Variants in ADCY1 observed in about 807,000 individuals in gnomAD.
The protein encoded by ADCY1 is adenylate cyclase 1, also known as adenylate cyclase type 1.
Under a neutral mutation model 105.4 loss-of-function variants are expected in ADCY1, and 28 were observed. The observed-to-expected ratio is 0.27, with a 90% CI of 0.20 to 0.36. The LOEUF (loss-of-function observed/expected upper bound fraction) is 0.36. ADCY1 is among the 10% of genes least tolerant of loss of function. The pLI, the probability that ADCY1 is intolerant of heterozygous loss-of-function variation, is 1.00. For synonymous variants in ADCY1, 655 were observed against 623.8 expected (o/e 1.05, Z -0.75); for missense variants, 977 against 1,434.2 (o/e 0.68, Z 5.15).
chr7:45,674,184 T>C (rs941502571), intron 8 of ADCY1, among the ~76,000 whole-genome samples: 4 of 151,910 alleles, frequency 2.6e-5, no homozygotes, highest in South Asian at 2.1e-4. Context: ...TTGAGTTTTG[T>C]TTTATGGCCA....
rs191203239 is a variant in ADCY1, at chr7:45,579,243, G to A, written c.639+4061G>A. Among the ~76,000 whole-genome samples the A allele has an allele frequency of 1.8e-3, 268 of 152,254 alleles. 2 individuals are homozygous for A. The highest frequency in any genetic ancestry group is 2.8e-3 in the Non-Finnish European group (189 of 68,008). ...TCTGCCAGCCCTCAGGCTGTGTCCC[G>A]TATGCCTTTGTGTGCCCTGTGCCCA... On this transcript the variant is annotated intron_variant, in intron 1 of 19. Coordinates refer to ENST00000297323, the MANE Select transcript of ADCY1 (RefSeq NM_021116.4).
chr7:45,625,830 A>C (rs1205557142), intron 4 of ADCY1, among the ~76,000 whole-genome samples: 1 of 152,224 alleles, frequency 6.6e-6, no homozygotes, highest in East Asian at 1.9e-4. Flanking sequence ...CTGAGCTGAC[A>C]TGGTTTTGTG....
At chr7:45,630,691 A>C (rs575906078) in intron 4 of ADCY1, among the ~76,000 whole-genome samples, 45 of 152,018 alleles carry the variant, frequency 3.0e-4, no homozygotes, top group Non-Finnish European at 5.9e-4. Flanking sequence ...GTATGTGTGT[A>C]AAATTTCCTC....
At chr7:45,688,255 G>A (rs946699725) in intron 14 of ADCY1, among the ~76,000 whole-genome samples, 7 of 152,156 alleles carry the variant, frequency 4.6e-5, no homozygotes, top group African/African-American at 1.7e-4. Flanking sequence ...AGTAAAATGG[G>A]GTGAGAACCC....
At chr7:45,690,416 T>A (rs1322471346) in intron 14 of ADCY1, among the ~76,000 whole-genome samples, 2 of 152,150 alleles carry the variant, frequency 1.3e-5, no homozygotes, top group Non-Finnish European at 2.9e-5. Flanking sequence ...GAGGGCTGCC[T>A]GATAGGATTC....
Position 45,703,648 on chromosome 7 carries a change from A to G in ADCY1, c.2620A>G (p.Ile874Val). The change falls in exon 16 of 20, where the codon ATC (isoleucine) becomes GTC (valine). Residue 874 changes from isoleucine (I) to valine (V), a missense_variant. Physicochemically the swap from Ile to Val is conservative, Grantham distance 29. This residue lies in a region of ADCY1 where 152 missense variants were observed against 293.7 expected (regional missense o/e 0.52). Coordinates refer to ENST00000297323, the MANE Select transcript of ADCY1 (RefSeq NM_021116.4). This position sits in a 1 kb window ranked among gnomAD's most constrained non-coding sequence, Gnocchi z 5.9. ...CCAGGTGGGCGTCATGTTTGCCTCC[A>G]TCCCCAACTTCAATGACTTCTACAT... ...YSQVGVMFAS[I>V]PNFNDFYIEL... 1 of 1,613,358 alleles carries G rather than the reference A, an allele frequency of 6.2e-7. No individual in the cohort carries two copies. Among genetic ancestry groups the G allele is most frequent in the Non-Finnish European group, 8.5e-7 (1 of 1,179,658 alleles).
chr7:45,650,545 G>C (rs554882724), intron 5 of ADCY1, among the ~76,000 whole-genome samples: 1 of 152,256 alleles, frequency 6.6e-6, no homozygotes, highest in Admixed American at 6.5e-5. Context: ...GATGTGGGCT[G>C]ACCTGGCTGA....
At position 45,708,598 on chromosome 7, in the gene ADCY1, C is replaced by T. The variant is rs56099024; in HGVS notation, c.2932+134C>T. The T allele has an allele frequency of 5.1e-3, 3,337 of 658,154 alleles. 9 individuals are homozygous for T. The highest frequency in any genetic ancestry group is 6.8e-3 in the Non-Finnish European group (2,515 of 369,628). The allele number at this position is 658,154 out of a possible 1,614,324, so 40.8% of individuals were successfully genotyped here. On this transcript the variant is annotated intron_variant, in intron 18 of 19. Transcript: ENST00000297323. This position sits in a 1 kb window ranked among gnomAD's most constrained non-coding sequence, Gnocchi z 4.7. ...GTGCCACCCAGGAGGGCATGGGGAC[C>T]TGTGTACCGAGTTGCCCCTGGAAGC...
At chr7:45,635,395 C>T (rs1183580983) in intron 4 of ADCY1, among the ~76,000 whole-genome samples, 4 of 151,284 alleles carry the variant, frequency 2.6e-5, no homozygotes, top group South Asian at 2.1e-4. Context: ...TGTTTTTCTT[C>T]TGGTTATTTT....
Position 45,676,048 on chromosome 7 carries a change from G to GTT in ADCY1, c.1606-1810_1606-1809dup, listed in dbSNP as rs78665932. On this transcript the variant is annotated intron_variant, in intron 8 of 19. Coordinates refer to ENST00000297323, the MANE Select transcript of ADCY1 (RefSeq NM_021116.4). ...TCCACAGTTCCAAAGGCTCTGTTTT[G>GTT]TTTTTTTTTTTTAAGTCTGTTTTCT... 3.1e-4 allele frequency among the ~76,000 whole-genome samples: 44 copies of GTT among 143,140 alleles called. No homozygotes were observed. The South Asian group carries it at 3.1e-3, about 10-fold the overall frequency. 93.9% of individuals were successfully genotyped at this position (143,140 alleles called of 152,430 possible).
Position 45,589,622 on chromosome 7 carries a change from GATGC to G in ADCY1, c.640-3134_640-3131del, listed in dbSNP as rs144462928. Among the ~76,000 whole-genome samples the G allele has an allele frequency of 2.1e-3, 319 of 152,224 alleles. 1 individual carries two copies. The highest frequency in any genetic ancestry group is 7.2e-3 in the African/African-American group (301 of 41,524). On this transcript the variant is annotated intron_variant, in intron 1 of 19. Coordinates refer to ENST00000297323, the MANE Select transcript of ADCY1 (RefSeq NM_021116.4). ...TGGAACTCTCAATTCCAACACAGTG[GATGC>G]ATTTGGTGGTTGAGGATGCTCATCT...
intron 2 of ADCY1, among the ~76,000 whole-genome samples, chr7:45,593,718 T>C (rs1792992540): frequency 6.6e-6 from 1 of 152,232 alleles, no homozygotes; most frequent in Non-Finnish European, 1.5e-5. Flanking sequence ...AGCTGACATA[T>C]AGGATCTCTT....
At chr7:45,576,754 G>A (rs1353575545) in intron 1 of ADCY1, among the ~76,000 whole-genome samples, 1 of 151,980 alleles carries the variant, frequency 6.6e-6, no homozygotes. Flanking sequence ...AGCCAGACCC[G>A]CAACCGCAAG....
chr7:45,721,920 A>C lies in ADCY1; in HGVS notation c.*7925A>C, dbSNP rs1235235039. ...TAAACAGACATAATAGCCTAGATGA[A>C]CTCCCAAGAGATCTATTAAATCTTG... is the stretch of plus-strand genomic sequence containing the variant. On this transcript the variant is annotated 3_prime_UTR_variant, in exon 20 of 20. Transcript: ENST00000297323. 33 of 398,300 alleles carry C rather than the reference A, an allele frequency of 8.3e-5. No individual in the cohort carries two copies. In the East Asian group the frequency reaches 1.2e-3, roughly 14 times the overall value. 24.7% of individuals were successfully genotyped at this position (398,300 alleles called of 1,614,324 possible). A position where few individuals can be genotyped will look rare whatever the true frequency, so the allele number is the denominator to read the frequency against.
At chr7:45,707,133 G>A (rs1785137198) in intron 17 of ADCY1, among the ~76,000 whole-genome samples, 1 of 152,206 alleles carries the variant, frequency 6.6e-6, no homozygotes, top group Admixed American at 6.5e-5. Flanking sequence ...ACCCACTGTG[G>A]GAGAGAGTTT....
Position 45,714,290 on chromosome 7 carries a change from T to C in ADCY1, c.*295T>C, listed in dbSNP as rs1436977455. On this transcript the variant is annotated 3_prime_UTR_variant, in exon 20 of 20. Transcript: ENST00000297323. ...CGTGGCGTAGGGAGCACTGTTTCTTTCCAGCAAGCCTGTTCAGGTTTGGCC... is the reference window on the plus strand; with the variant it reads ...CGTGGCGTAGGGAGCACTGTTTCTTCCCAGCAAGCCTGTTCAGGTTTGGCC... 2.3e-6 allele frequency: 1 copy of C among 441,662 alleles called. No individual in the cohort carries two copies. The highest frequency in any genetic ancestry group is 4.1e-6 in the Non-Finnish European group (1 of 245,708). 27.4% of individuals were successfully genotyped at this position (441,662 alleles called of 1,614,324 possible).
In ADCY1 at chr7:45,703,815, G is replaced by T; in HGVS notation, c.2718+69G>T. On this transcript the variant is annotated intron_variant, in intron 16 of 19. Coordinates refer to ENST00000297323, the MANE Select transcript of ADCY1 (RefSeq NM_021116.4). The surrounding 1 kb of genome is among the most constrained non-coding windows in gnomAD (Gnocchi z 5.9). ...GTGCATCCTGTTGCGTGGGCAGAGCGTGTCTCACAATATGTCACATTCTTC... is the reference window on the plus strand; with the variant it reads ...GTGCATCCTGTTGCGTGGGCAGAGCTTGTCTCACAATATGTCACATTCTTC... 1 of 1,502,598 alleles carries T rather than the reference G, an allele frequency of 6.7e-7. No homozygotes were observed. Among genetic ancestry groups the T allele is most frequent in the Non-Finnish European group, 8.9e-7 (1 of 1,120,324 alleles). 93.1% of individuals were successfully genotyped at this position (1,502,598 alleles called of 1,614,324 possible).
intron 8 of ADCY1, among the ~76,000 whole-genome samples, chr7:45,669,846 A>T (rs1784331470): frequency 6.6e-6 from 1 of 152,156 alleles, no homozygotes; most frequent in African/African-American, 2.4e-5. Context: ...TTGATCTACA[A>T]TAGTATGTTT....
chr7:45,659,156 G>A (rs1239755043), intron 6 of ADCY1, among the ~76,000 whole-genome samples: 1 of 152,188 alleles, frequency 6.6e-6, no homozygotes. Flanking sequence ...GCCACTGCTG[G>A]GAAAGGCCTC....
Sources: allele counts gnomAD v4.1 joint callset (sites outside exome capture counted in the v4.1 genomes callset), GRCh38; gene constraint gnomAD v4.1.1; regional missense constraint gnomAD v4.1.1; non-coding constraint Gnocchi (gnomAD v3.1); transcripts MANE v1.5; gene names NCBI Gene and HGNC (gene_info 2026-07-23, HGNC 2026-07-21).